The following GRIN2A variants were observed in gnomAD, a reference collection of about 807,000 sequenced individuals.
The protein encoded by GRIN2A is glutamate ionotropic receptor NMDA type subunit 2A.
In GRIN2A, 22 loss-of-function variants were observed where a neutral mutation model predicts 113.4. The observed-to-expected ratio is 0.19, with a 90% CI of 0.14 to 0.28. GRIN2A has a LOEUF of 0.28. Ranked by LOEUF, GRIN2A falls within the 10% of genes least tolerant of loss-of-function variation. The probability of loss-of-function intolerance (pLI) is 1.00; values close to 1 mark genes in which losing one functional copy is unlikely to be tolerated. For missense variants in GRIN2A, 1,502 were observed against 1,887.0 expected (o/e 0.80, Z 3.78); for synonymous variants, 827 against 738.4 (o/e 1.12, Z -1.94).
chr16:9,943,269 A>T (rs936843909), intron 2 of GRIN2A: 3 of 152,168 alleles, frequency 2.0e-5, no homozygotes, highest in Non-Finnish European at 4.4e-5. Context: ...TCTGAAGCAA[A>T]AGCACTTCTC....
At chr16:10,098,723 T>G (rs1269265723) in intron 2 of GRIN2A, among the ~76,000 whole-genome samples, 4 of 152,110 alleles carry the variant, frequency 2.6e-5, no homozygotes, top group African/African-American at 9.7e-5. Flanking sequence ...AACCAAACAT[T>G]GTATGTTCTC....
intron 2 of GRIN2A, among the ~76,000 whole-genome samples, chr16:10,104,753 A>T (rs1412891188): frequency 6.6e-6 from 1 of 152,186 alleles, no homozygotes; most frequent in Non-Finnish European, 1.5e-5. Flanking sequence ...TCAGTACAAC[A>T]ATCCCTTGGC....
chr16:9,928,779 C>CA (rs1196698366), intron 3 of GRIN2A, among the ~76,000 whole-genome samples: 9 of 152,148 alleles, frequency 5.9e-5, no homozygotes, highest in African/African-American at 2.2e-4. Context: ...CGTCGAGACC[C>CA]AAAGCTTCAT....
chr16:9,756,337 A>C lies in GRIN2A; in HGVS notation c.*6812T>G, dbSNP rs1900348209. On this transcript the variant is annotated 3_prime_UTR_variant, in exon 13 of 13. Coordinates refer to ENST00000330684, the MANE Select transcript of GRIN2A (RefSeq NM_001134407.3). Reference sequence around the variant, plus strand: ...TGAAAGGGAGACACAAACAGTGTTCAAGTCTCAGAAGGAACTATGAACAGA... The same window carrying C: ...TGAAAGGGAGACACAAACAGTGTTCCAGTCTCAGAAGGAACTATGAACAGA... 4.4e-6 allele frequency: 1 copy of C among 229,854 alleles called. No homozygotes were observed. The highest frequency in any genetic ancestry group is 8.6e-6 in the Non-Finnish European group (1 of 115,966). The allele number at this position is 229,854 out of a possible 1,614,324, so 14.2% of individuals were successfully genotyped here.
At chr16:10,013,160 CA>C (rs1367319627) in intron 2 of GRIN2A, among the ~76,000 whole-genome samples, 2 of 152,072 alleles carry the variant, frequency 1.3e-5, no homozygotes, top group African/African-American at 4.8e-5. Flanking sequence ...ATAAAAGTTT[CA>C]AAAATCTGGA....
intron 3 of GRIN2A, 110 bp from the exon 4 acceptor site, chr16:9,891,210 G>A (rs2043688931): frequency 1.4e-6 from 1 of 721,650 alleles, no homozygotes; most frequent in South Asian, 1.5e-5. Flanking sequence ...AACTTACAAT[G>A]CTATATTCAT....
intron 11 of GRIN2A, among the ~76,000 whole-genome samples, chr16:9,795,307 C>CTG (rs1902909878): frequency 1.3e-5 from 2 of 152,060 alleles, no homozygotes; most frequent in African/African-American, 4.8e-5. Context: ...CTCTGGTCGT[C>CTG]CCCACTGCTA....
Position 10,170,341 on chromosome 16 carries a change from G to A in GRIN2A, c.414+9657C>T, listed in dbSNP as rs535663484. Among the ~76,000 whole-genome samples the A allele has an allele frequency of 5.3e-5, 8 of 152,312 alleles. No individual in the cohort carries two copies. The South Asian group carries it at 1.0e-3, about 20-fold the overall frequency. On this transcript the variant is annotated intron_variant, in intron 2 of 12. Transcript: ENST00000330684. Reference sequence around the variant, plus strand: ...TGAAAATTCTTCTTCAAACTATTGAGAGAGGTTGGTCAAAAGGCACCAACT... The same window carrying A: ...TGAAAATTCTTCTTCAAACTATTGAAAGAGGTTGGTCAAAAGGCACCAACT...
intron 2 of GRIN2A, among the ~76,000 whole-genome samples, chr16:10,091,593 C>G (rs1469203896): frequency 2.0e-5 from 3 of 152,000 alleles, no homozygotes; most frequent in African/African-American, 7.2e-5. Context: ...GCAGAGGCTG[C>G]AGTGAGCCAC....
intron 2 of GRIN2A, among the ~76,000 whole-genome samples, chr16:10,062,885 A>G (rs2047572607): frequency 6.6e-6 from 1 of 151,956 alleles, no homozygotes; most frequent in African/African-American, 2.4e-5. Context: ...AAAGAAGAAG[A>G]AAAGAAAAAC....
chr16:10,180,133 T>C lies in GRIN2A; in HGVS notation c.279A>G (p.Ala93=), dbSNP rs763498978. The C allele has an allele frequency of 1.2e-6, 2 of 1,614,228 alleles. No homozygotes were observed. Among genetic ancestry groups the C allele is most frequent in the Non-Finnish European group, 8.5e-7 (1 of 1,180,044 alleles). Residue 93 remains alanine, a synonymous_variant, in exon 2 of 13, where the codon GCA becomes GCG. Coordinates refer to ENST00000330684, the MANE Select transcript of GRIN2A (RefSeq NM_001134407.3). The surrounding 1 kb of genome is among the most constrained non-coding windows in gnomAD (Gnocchi z 7.0). Reference sequence around the variant, plus strand: ...CCCCAAACACGAGGCCGTGGATGCGTGCCCCGGACATGAGGTCGCACACGT... The same window carrying C: ...CCCCAAACACGAGGCCGTGGATGCGCGCCCCGGACATGAGGTCGCACACGT... ...ITHVCDLMSG[A]RIHGLVFGDD... is the part of the protein sequence containing the mutation.
intron 2 of GRIN2A, among the ~76,000 whole-genome samples, chr16:10,126,477 G>T (rs553126641): frequency 6.6e-6 from 1 of 152,260 alleles, no homozygotes; most frequent in South Asian, 2.1e-4. Flanking sequence ...TTTCATTACC[G>T]TATTTCAAAT....
intron 3 of GRIN2A, among the ~76,000 whole-genome samples, chr16:9,891,962 C>A (rs532709948): frequency 6.6e-6 from 1 of 152,248 alleles, no homozygotes; most frequent in South Asian, 2.1e-4. Flanking sequence ...GGCATGGTGG[C>A]TCACACCTGT....
intron 11 of GRIN2A, among the ~76,000 whole-genome samples, chr16:9,774,114 G>A (rs1369592358): frequency 6.6e-6 from 1 of 152,140 alleles, no homozygotes; most frequent in East Asian, 1.9e-4. Context: ...CTGTAAGAAG[G>A]CTGGTTAGAC....
intron 2 of GRIN2A, among the ~76,000 whole-genome samples, chr16:10,178,128 G>A (rs903103407): frequency 5.3e-5 from 8 of 152,148 alleles, no homozygotes; most frequent in African/African-American, 1.4e-4. Context: ...GAAGGGATCC[G>A]TGGTAATATT....
chr16:9,886,405 G>T (rs1451176438), intron 4 of GRIN2A, among the ~76,000 whole-genome samples: 1 of 152,188 alleles, frequency 6.6e-6, no homozygotes, highest in East Asian at 1.9e-4. Flanking sequence ...AGTCCCAAAT[G>T]CATGAAGGAA....
At chr16:9,789,681 G>A (rs991056210) in intron 11 of GRIN2A, among the ~76,000 whole-genome samples, 3 of 152,140 alleles carry the variant, frequency 2.0e-5, no homozygotes, top group Admixed American at 6.6e-5. Context: ...GTAGGAGCTC[G>A]ATCCAGTTTG....
chr16:10,029,569 C>T (rs2046890633), intron 2 of GRIN2A, among the ~76,000 whole-genome samples: 1 of 152,180 alleles, frequency 6.6e-6, no homozygotes, highest in South Asian at 2.1e-4. Context: ...AAACATAATG[C>T]AGCAATTAAA....
chr16:10,117,646 A>G (rs9937210), intron 2 of GRIN2A, among the ~76,000 whole-genome samples: 128,447 of 152,132 alleles, frequency 0.84, 55,005 homozygotes, highest in East Asian at 0.92. Flanking sequence ...TATAATGACC[A>G]CATTGTTCCA....
Sources: gnomAD v4.1 joint callset for allele counts (sites outside exome capture counted in the v4.1 genomes callset) on GRCh38, gnomAD v4.1.1 for gene constraint, Gnocchi (gnomAD v3.1) non-coding constraint, MANE v1.5 for transcripts, NCBI Gene and HGNC (gene_info 2026-07-23, HGNC 2026-07-21) for gene names.